Variants in RYR2 observed in about 807,000 individuals in gnomAD.
RYR2 encodes the protein ryanodine receptor 2.
In RYR2, 227 loss-of-function variants were observed where a neutral mutation model predicts 601.1. That is an observed-to-expected ratio of 0.38 (90% CI 0.34 to 0.42). The LOEUF is 0.42. RYR2 is among the 10% of genes least tolerant of loss of function. The pLI, the probability that RYR2 is intolerant of heterozygous loss-of-function variation, is 1.00. For missense variants in RYR2, 4,646 were observed against 6,156.5 expected (o/e 0.75, Z 8.21); for synonymous variants, 2,223 against 2,175.1 (o/e 1.02, Z -0.61).
intron 1 of RYR2, among the ~76,000 whole-genome samples, chr1:237,206,423 G>T (rs639409): frequency 1.3e-5 from 2 of 152,018 alleles, no homozygotes; most frequent in Non-Finnish European, 2.9e-5. Context: ...GATAGATAGC[G>T]TTAGGAGTGT....
intron 1 of RYR2, among the ~76,000 whole-genome samples, chr1:237,238,158 AG>A (rs1247317295): frequency 6.6e-6 from 1 of 151,816 alleles, no homozygotes; most frequent in East Asian, 1.9e-4. Context: ...TAGTAGAGAC[AG>A]GGATTTCACC....
chr1:237,773,497 A>G (rs769489363), intron 86 of RYR2, 23 bp from the exon 87 acceptor site: 24 of 1,539,836 alleles, frequency 1.6e-5, no homozygotes, highest in Non-Finnish European at 2.1e-5. Flanking sequence ...TTGATAATAA[A>G]TAATATCATC....
chr1:237,408,487 A>G (rs975074760), intron 10 of RYR2, among the ~76,000 whole-genome samples: 12 of 150,156 alleles, frequency 8.0e-5, no homozygotes, highest in African/African-American at 2.7e-4. Context: ...TCAATGTGCT[A>G]TATTTGTGTG....
chr1:237,277,811 C>T (rs564082761), intron 2 of RYR2, among the ~76,000 whole-genome samples: 2 of 152,126 alleles, frequency 1.3e-5, no homozygotes, highest in Non-Finnish European at 2.9e-5. Flanking sequence ...CAGAGTGAGA[C>T]CCTGTCTCAA....
chr1:237,427,782 CAAAAAAAAAAAAAAAAA>C (rs57614793), intron 12 of RYR2, among the ~76,000 whole-genome samples: 1,117 of 56,300 alleles, frequency 0.02, 37 homozygotes, highest in African/African-American at 0.074. Context: ...GACTCTGCCT[CAAAAAAAAAAAAAAAAA>C]AAAAAAAAAA....
intron 2 of RYR2, among the ~76,000 whole-genome samples, chr1:237,299,150 A>C (rs1372317612): frequency 8.5e-6 from 1 of 117,040 alleles, no homozygotes; most frequent in Non-Finnish European, 1.8e-5. Context: ...ATTTCATTTC[A>C]TAGTTCTACA....
At chr1:237,230,385 A>G (rs952694475) in intron 1 of RYR2, among the ~76,000 whole-genome samples, 1 of 152,250 alleles carries the variant, frequency 6.6e-6, no homozygotes, top group Non-Finnish European at 1.5e-5. Context: ...CCTGGAAAAC[A>G]GACAAAGCAA....
chr1:237,702,839 T>G (rs548655085), intron 66 of RYR2, among the ~76,000 whole-genome samples: 1 of 152,144 alleles, frequency 6.6e-6, no homozygotes, highest in Admixed American at 6.5e-5. Context: ...CCTATAAAGC[T>G]ACAGTAGTTA....
intron 1 of RYR2, among the ~76,000 whole-genome samples, chr1:237,046,868 G>A (rs1307074607): frequency 6.6e-6 from 1 of 152,198 alleles, no homozygotes; most frequent in African/African-American, 2.4e-5. Flanking sequence ...CCGTCTGTAT[G>A]CATAGCATGT....
chr1:237,315,079 T>C (rs1694977336), intron 2 of RYR2, among the ~76,000 whole-genome samples: 2 of 152,232 alleles, frequency 1.3e-5, no homozygotes, highest in Admixed American at 6.5e-5. Context: ...TTGACTCCTG[T>C]AAAGATCCAG....
At chr1:237,788,942 T>C (rs1657996596) in intron 92 of RYR2, among the ~76,000 whole-genome samples, 1 of 151,930 alleles carries the variant, frequency 6.6e-6, no homozygotes, top group Admixed American at 6.6e-5. Context: ...TCCATGCTTA[T>C]CTCCTATCCT....
In RYR2 at chr1:237,701,974, T is replaced by A. The variant is rs755202469; in HGVS notation, c.9368-4T>A. ...CTTTCAAGTGAGATTCTCTTTTTCC[T>A]TAGTGGAAGATGTCCAGGTGTCTTG... On this transcript the variant is annotated splice_region_variant and splice_polypyrimidine_tract_variant and intron_variant, in intron 65 of 104. Coordinates refer to ENST00000366574, the MANE Select transcript of RYR2 (RefSeq NM_001035.3). 1 of 1,565,750 alleles carries A rather than the reference T, an allele frequency of 6.4e-7. No homozygotes were observed. Among genetic ancestry groups the A allele is most frequent in the South Asian group, 1.1e-5 (1 of 88,822 alleles).
chr1:237,814,298 G>T (rs1406178028), intron 100 of RYR2, among the ~76,000 whole-genome samples: 1 of 152,194 alleles, frequency 6.6e-6, no homozygotes, highest in Non-Finnish European at 1.5e-5. Flanking sequence ...GTTCTCAAAA[G>T]ATGATCCTTT....
intron 27 of RYR2, among the ~76,000 whole-genome samples, chr1:237,555,553 A>G (rs777550849): frequency 5.9e-5 from 9 of 152,110 alleles, no homozygotes; most frequent in African/African-American, 2.2e-4. Flanking sequence ...TTTGGTATCT[A>G]TAGTCTTAAT....
At chr1:237,112,347 C>T (rs1669577456) in intron 1 of RYR2, among the ~76,000 whole-genome samples, 1 of 152,180 alleles carries the variant, frequency 6.6e-6, no homozygotes, top group Non-Finnish European at 1.5e-5. Context: ...CTCCTGACCT[C>T]AGGTGATCCG....
chr1:237,308,319 GAC>G (rs1694103694), intron 2 of RYR2, among the ~76,000 whole-genome samples: 1 of 152,100 alleles, frequency 6.6e-6, no homozygotes, highest in South Asian at 2.1e-4. Flanking sequence ...ACCTAGGGTG[GAC>G]ACGTTCCTCC....
chr1:237,376,739 T>C (rs997757591), intron 7 of RYR2, among the ~76,000 whole-genome samples: 1 of 152,186 alleles, frequency 6.6e-6, no homozygotes. Context: ...AATTCATTTT[T>C]CTTTAGAAGG....
chr1:237,131,501 A>G (rs2148704929), intron 1 of RYR2, among the ~76,000 whole-genome samples: 1 of 152,294 alleles, frequency 6.6e-6, no homozygotes, highest in South Asian at 2.1e-4. Flanking sequence ...ACTATTGGAC[A>G]GGGCCGTTAA....
chr1:237,207,296 C>T (rs1399139530), intron 1 of RYR2, among the ~76,000 whole-genome samples: 3 of 152,222 alleles, frequency 2.0e-5, no homozygotes, highest in Middle Eastern at 3.4e-3. Flanking sequence ...CCAGGCACGG[C>T]GGCTCACGCC....
Sources: allele counts gnomAD v4.1 joint callset (sites outside exome capture counted in the v4.1 genomes callset), GRCh38; gene constraint gnomAD v4.1.1; transcripts MANE v1.5; gene names NCBI Gene and HGNC (gene_info 2026-07-23, HGNC 2026-07-21).